SFXN1: variants seen among roughly 807,000 people sequenced by gnomAD.
The protein encoded by SFXN1 is sideroflexin 1, also known as sideroflexin-1.
A neutral mutation model predicts 39.5 loss-of-function variants in SFXN1; 32 were observed. That is an observed-to-expected ratio of 0.81 (90% CI 0.61 to 1.09). The LOEUF (loss-of-function observed/expected upper bound fraction) is 1.09. SFXN1 is among the 50% of genes least tolerant of loss of function. SFXN1 has a pLI of 0.00. For synonymous variants in SFXN1, 136 were observed against 146.5 expected (o/e 0.93, Z 0.52); for missense variants, 402 against 407.1 (o/e 0.99, Z 0.11).
chr5:175,488,523 T>G (rs1759535629), intron 1 of SFXN1, among the ~76,000 whole-genome samples: 1 of 152,118 alleles, frequency 6.6e-6, no homozygotes, highest in African/African-American at 2.4e-5. Context: ...GGTCTCGAAC[T>G]CCTGACCTCA....
At chr5:175,524,879 T>C (rs946741609) in intron 10 of SFXN1, among the ~76,000 whole-genome samples, 1 of 152,170 alleles carries the variant, frequency 6.6e-6, no homozygotes, top group African/African-American at 2.4e-5. Flanking sequence ...ACCAACATTA[T>C]ACCAACAGAT....
chr5:175,499,025 C>T (rs568258636), intron 2 of SFXN1, among the ~76,000 whole-genome samples: 9 of 152,268 alleles, frequency 5.9e-5, no homozygotes, highest in African/African-American at 1.9e-4. Flanking sequence ...GAGGCTGAGG[C>T]GGGCAAATCA....
At chr5:175,513,792 T>A in intron 7 of SFXN1, 1 of 492,538 alleles carries the variant, frequency 2.0e-6, no homozygotes, top group Non-Finnish European at 3.6e-6. Context: ...CTAGGGCGTG[T>A]GGGTAGGGCA....
intron 2 of SFXN1, among the ~76,000 whole-genome samples, chr5:175,500,081 G>C (rs1431886013): frequency 2.0e-5 from 3 of 152,094 alleles, no homozygotes; most frequent in African/African-American, 7.2e-5. Flanking sequence ...CCAGCTACTT[G>C]GGGTGCTGAG....
At position 175,526,653 on chromosome 5, in the gene SFXN1, A is replaced by G; in HGVS notation, c.888A>G (p.Thr296=). ...LFPQKSSMSV[T]SLEAELQAKI... is the part of the protein sequence containing the mutation. ...CTTATCCCAGTTCCATGTCTGTGAC[A>G]AGCTTGGAGGCCGAGTTGCAAGCTA... The change falls in exon 11 of 11, where the codon ACA becomes ACG. Residue 296 remains threonine, a synonymous_variant. Coordinates refer to ENST00000321442, the MANE Select transcript of SFXN1 (RefSeq NM_022754.7). 1.9e-6 allele frequency: 3 copies of G among 1,614,200 alleles called. No individual in the cohort carries two copies. Among genetic ancestry groups the G allele is most frequent in the Non-Finnish European group, 2.5e-6 (3 of 1,180,012 alleles).
intron 2 of SFXN1, among the ~76,000 whole-genome samples, chr5:175,499,558 C>T (rs1268769103): frequency 1.3e-5 from 2 of 152,086 alleles, no homozygotes; most frequent in Non-Finnish European, 1.5e-5. Flanking sequence ...AACAGAAAAC[C>T]GTATTATCAT....
At chr5:175,524,297 T>A (rs935317267) in intron 10 of SFXN1, among the ~76,000 whole-genome samples, 3 of 151,436 alleles carry the variant, frequency 2.0e-5, no homozygotes, top group Non-Finnish European at 4.4e-5. Flanking sequence ...TAGTTTGTCT[T>A]AGGAACTTTT....
intron 1 of SFXN1, among the ~76,000 whole-genome samples, chr5:175,484,851 A>T (rs139445560): frequency 2.4e-4 from 37 of 152,288 alleles, no homozygotes; most frequent in African/African-American, 7.9e-4. Context: ...GCGCACCACC[A>T]CGCTCAGTGC....
Position 175,528,533 on chromosome 5 carries a change from A to G in SFXN1, c.*1799A>G, listed in dbSNP as rs974719547. The stretch of plus-strand genomic sequence containing the variant: ...CAGAGATTGTAAATGAAAAAAATAT[A>G]GAAACTATTTAGTTTTGGTAGATTT... On this transcript the variant is annotated 3_prime_UTR_variant, in exon 11 of 11. Coordinates refer to ENST00000321442, the MANE Select transcript of SFXN1 (RefSeq NM_022754.7). 6.6e-6 allele frequency: 1 copy of G among 152,166 alleles called. No individual in the cohort carries two copies. Among genetic ancestry groups the G allele is most frequent in the Admixed American group, 6.5e-5 (1 of 15,278 alleles). 9.4% of individuals were successfully genotyped at this position (152,166 alleles called of 1,614,324 possible).
chr5:175,517,412 A>G (rs916718705), intron 8 of SFXN1, among the ~76,000 whole-genome samples: 5 of 151,886 alleles, frequency 3.3e-5, no homozygotes, highest in Non-Finnish European at 7.4e-5. Flanking sequence ...GGAAGGGCCC[A>G]CTGGTTTCAG....
intron 1 of SFXN1, among the ~76,000 whole-genome samples, chr5:175,479,039 C>G (rs1483167609): frequency 1.3e-5 from 2 of 152,228 alleles, no homozygotes; most frequent in South Asian, 4.1e-4. Flanking sequence ...GGCCCAGTGC[C>G]TGGCCCAGCG....
At chr5:175,497,724 T>G (rs1392944953) in intron 2 of SFXN1, among the ~76,000 whole-genome samples, 3 of 151,312 alleles carry the variant, frequency 2.0e-5, no homozygotes, top group African/African-American at 7.3e-5. Flanking sequence ...AGGTTAGGAG[T>G]TCGAGAGCAG....
intron 1 of SFXN1, among the ~76,000 whole-genome samples, chr5:175,481,262 C>G (rs999461157): frequency 6.6e-6 from 1 of 152,130 alleles, no homozygotes; most frequent in Admixed American, 6.5e-5. Context: ...CATAGTTGAT[C>G]TTGAGGACTG....
rs138709528 is a variant in SFXN1 at position 175,515,069 on chromosome 5, C to T, written c.724+1479C>T. 9.3e-3 allele frequency among the ~76,000 whole-genome samples: 1,419 copies of T among 152,198 alleles called. 30 individuals are homozygous for T. Among genetic ancestry groups the T allele is most frequent in the African/African-American group, 0.033 (1,358 of 41,520 alleles). ...TTGCCCTGTCCCTCAGGCTGGAGTG[C>T]AGTTGCTGTGATCATGGCTCACTGC... On this transcript the variant is annotated intron_variant, in intron 7 of 10. Coordinates refer to ENST00000321442, the MANE Select transcript of SFXN1 (RefSeq NM_022754.7).
rs755612090 is a variant in SFXN1 at position 175,492,117 on chromosome 5, T to C, written c.14T>C (p.Leu5Pro). 6.2e-7 allele frequency: 1 copy of C among 1,613,488 alleles called. No homozygotes were observed. Among genetic ancestry groups the C allele is most frequent in the East Asian group, 2.2e-5 (1 of 44,850 alleles). MSGE[L>P]PPNINIKEPR... ...CAGTCCGGGACCATGTCTGGAGAACTACCACCAAACATTAACATCAAGGAA... is the reference window on the plus strand; with the variant it reads ...CAGTCCGGGACCATGTCTGGAGAACCACCACCAAACATTAACATCAAGGAA... Residue 5 changes from leucine to proline, a missense_variant, in exon 2 of 11, where the codon CTA (leucine) becomes CCA (proline). Physicochemically the swap from Leu to Pro is moderately conservative, Grantham distance 98. Coordinates refer to ENST00000321442, the MANE Select transcript of SFXN1 (RefSeq NM_022754.7).
intron 9 of SFXN1, 75 bp from the exon 10 acceptor site, chr5:175,522,300 T>C (rs1407685056): frequency 1.4e-6 from 2 of 1,422,902 alleles, no homozygotes; most frequent in African/African-American, 1.4e-5. Context: ...GGGATTGTTA[T>C]AAAAGTAAAA....
At chr5:175,487,286 T>C (rs957612017) in intron 1 of SFXN1, among the ~76,000 whole-genome samples, 2 of 152,200 alleles carry the variant, frequency 1.3e-5, no homozygotes, top group African/African-American at 4.8e-5. Flanking sequence ...GATTTTGATG[T>C]GTTCCATTGG....
chr5:175,520,197 A>G (rs1489282624), intron 8 of SFXN1, among the ~76,000 whole-genome samples: 3 of 151,692 alleles, frequency 2.0e-5, no homozygotes, highest in Non-Finnish European at 4.4e-5. Context: ...TTCATTGAAT[A>G]TATATATGTA....
At position 175,528,171 on chromosome 5, in the gene SFXN1, G is replaced by A. The variant is rs273080; in HGVS notation, c.*1437G>A. 0.26 allele frequency: 38,909 copies of A among 151,900 alleles called. 7,061 individuals carry two copies. Among genetic ancestry groups the A allele is most frequent in the African/African-American group, 0.52 (21,475 of 41,412 alleles). The allele number at this position is 151,900 out of a possible 1,614,324, so 9.4% of individuals were successfully genotyped here. On this transcript the variant is annotated 3_prime_UTR_variant, in exon 11 of 11. Transcript: ENST00000321442. ...TGATCCGCCCGCCTTGGCCTCCCAA[G>A]GTGCTGGGATTACAAGCGTGAGCCA... is the stretch of plus-strand genomic sequence containing the variant.
Sources: allele counts gnomAD v4.1 joint callset (sites outside exome capture counted in the v4.1 genomes callset), GRCh38; gene constraint gnomAD v4.1.1; transcripts MANE v1.5; gene names NCBI Gene and HGNC (gene_info 2026-07-23, HGNC 2026-07-21).